Variants in TRPM3 observed in about 807,000 individuals in gnomAD.
TRPM3 encodes transient receptor potential cation channel subfamily M member 3.
TRPM3 carries 77 observed loss-of-function variants against 181.2 expected under a neutral mutation model. The observed-to-expected ratio is 0.42, with a 90% CI of 0.35 to 0.51. TRPM3 has a LOEUF of 0.51. Among genes scored for constraint, TRPM3 ranks in the 20% least tolerant of loss-of-function variants. The pLI is 0.01. For missense variants in TRPM3, 1,759 were observed against 2,196.7 expected (o/e 0.80, Z 3.98); for synonymous variants, 745 against 796.4 (o/e 0.94, Z 1.09).
chr9:71,217,715 C>T (rs910675979), intron 1 of TRPM3, among the ~76,000 whole-genome samples: 2 of 152,168 alleles, frequency 1.3e-5, no homozygotes, highest in South Asian at 2.1e-4. Flanking sequence ...GACCATTCTG[C>T]TCTGGGGAAA....
intron 1 of TRPM3, among the ~76,000 whole-genome samples, chr9:71,258,480 C>T (rs2082819979): frequency 3.3e-5 from 5 of 152,144 alleles, no homozygotes; most frequent in Admixed American, 3.3e-4. Flanking sequence ...AGAATGAATT[C>T]TCTCTTGTAT....
At chr9:70,580,107 G>T (rs1056776313) in intron 22 of TRPM3, among the ~76,000 whole-genome samples, 12 of 152,176 alleles carry the variant, frequency 7.9e-5, no homozygotes, top group African/African-American at 2.9e-4. Flanking sequence ...AAAAGAGAAG[G>T]TTGTTGCTCC....
At chr9:70,896,667 G>A (rs963914628) in intron 1 of TRPM3, among the ~76,000 whole-genome samples, 8 of 152,006 alleles carry the variant, frequency 5.3e-5, no homozygotes, top group Non-Finnish European at 1.0e-4. Context: ...AATCACAACT[G>A]GTATTCATTA....
At chr9:71,382,325 T>A (rs997303850) in intron 1 of TRPM3, among the ~76,000 whole-genome samples, 5 of 152,172 alleles carry the variant, frequency 3.3e-5, no homozygotes, top group African/African-American at 1.2e-4. Context: ...CAAATGCATT[T>A]GAAAAAATTT....
chr9:70,583,063 C>G (rs894207782), intron 22 of TRPM3, among the ~76,000 whole-genome samples: 2 of 152,250 alleles, frequency 1.3e-5, no homozygotes, highest in South Asian at 4.1e-4. Context: ...TGGTACCCCC[C>G]ACCCCAGGGA....
At chr9:71,267,061 A>C (rs2083441481) in intron 1 of TRPM3, among the ~76,000 whole-genome samples, 1 of 152,076 alleles carries the variant, frequency 6.6e-6, no homozygotes, top group African/African-American at 2.4e-5. Context: ...TTAGTCATCT[A>C]TGGCAAATTC....
chr9:71,168,634 ATTT>A (rs1160659871), intron 1 of TRPM3, among the ~76,000 whole-genome samples: 12 of 95,378 alleles, frequency 1.3e-4, no homozygotes, highest in African/African-American at 4.6e-4. Context: ...TTTTTTTATT[ATTT>A]TTTATTTTTT....
At chr9:71,164,419 G>C (rs2076431664) in intron 1 of TRPM3, among the ~76,000 whole-genome samples, 1 of 152,148 alleles carries the variant, frequency 6.6e-6, no homozygotes, top group African/African-American at 2.4e-5. Context: ...GAGCCGACGG[G>C]AACTCTATGG....
rs184569751 is a variant in TRPM3, at chr9:71,368,199, T to C, written c.183+78454A>G. ...TAAAATGTGATGAGACTCCCAATGC[T>C]ACCATTCCCTCTGATTGTGAGTAAA... is the stretch of plus-strand genomic sequence containing the variant. On this transcript the variant is annotated intron_variant, in intron 1 of 24. Transcript: ENST00000357533. 9.8e-5 allele frequency among the ~76,000 whole-genome samples: 15 copies of C among 152,324 alleles called. No homozygotes were observed. The East Asian group carries it at 2.7e-3, about 27-fold the overall frequency.
At position 71,165,551 on chromosome 9, in the gene TRPM3, C is replaced by T. The variant is rs535494536; in HGVS notation, c.183+281102G>A. Among the ~76,000 whole-genome samples the T allele has an allele frequency of 3.3e-5, 5 of 152,206 alleles. No homozygotes were observed. In the South Asian group the frequency reaches 1.0e-3, roughly 32 times the overall value. ...TAACAACGTGCCACCAGGAGTGTTC[C>T]TCTTCTCAAGGGGTCTATCAAGAGG... On this transcript the variant is annotated intron_variant, in intron 1 of 24. Transcript: ENST00000357533.
rs760847615 is a variant in TRPM3 at position 70,536,998 on chromosome 9, C to T, written c.4115G>A (p.Arg1372Lys). 3.7e-6 allele frequency: 6 copies of T among 1,610,138 alleles called. No individual in the cohort carries two copies. The highest frequency in any genetic ancestry group is 5.1e-6 in the Non-Finnish European group (6 of 1,176,834). ...IEKLESIFKE[R>K]SLSLHRATSS... ...AGTAGCCCGGTGTAGGCTCAGGGACCTTTCTTTAAAAATACTTTCCAACTT... is the reference window on the plus strand; with the variant it reads ...AGTAGCCCGGTGTAGGCTCAGGGACTTTTCTTTAAAAATACTTTCCAACTT... Residue 1372 changes from arginine (R) to lysine (K), a missense_variant, in exon 26 of 26, where the codon AGG becomes AAG. Transcript: ENST00000677713.
intron 1 of TRPM3, among the ~76,000 whole-genome samples, chr9:71,078,255 C>G (rs1315988630): frequency 6.6e-6 from 1 of 151,978 alleles, no homozygotes; most frequent in African/African-American, 2.4e-5. Flanking sequence ...AAAAATGAGA[C>G]AGAGAAGGGT....
intron 1 of TRPM3, among the ~76,000 whole-genome samples, chr9:71,412,202 A>T (rs962490938): frequency 3.3e-5 from 5 of 152,152 alleles, no homozygotes; most frequent in Admixed American, 2.6e-4. Flanking sequence ...GGACTTCATG[A>T]CTAAAACACC....
At chr9:70,802,170 T>C (rs2089302485) in intron 6 of TRPM3, among the ~76,000 whole-genome samples, 1 of 152,148 alleles carries the variant, frequency 6.6e-6, no homozygotes, top group Non-Finnish European at 1.5e-5. Flanking sequence ...TGAAAAGAAG[T>C]GAAATCTAAA....
At chr9:70,905,090 T>A (rs564651881) in intron 1 of TRPM3, among the ~76,000 whole-genome samples, 1 of 152,212 alleles carries the variant, frequency 6.6e-6, no homozygotes, top group Non-Finnish European at 1.5e-5. Flanking sequence ...CTCCCATCAA[T>A]CATGGATTAT....
chr9:71,194,165 T>G (rs1364569224), intron 1 of TRPM3, among the ~76,000 whole-genome samples: 1 of 151,922 alleles, frequency 6.6e-6, no homozygotes, highest in Non-Finnish European at 1.5e-5. Flanking sequence ...AAATCCAACT[T>G]ACAATTATAG....
chr9:70,864,359 G>A, intron 2 of TRPM3, 73 bp downstream of exon 2: 1 of 1,045,254 alleles, frequency 9.6e-7, no homozygotes, highest in Non-Finnish European at 1.4e-6. Flanking sequence ...CTTGTAACAG[G>A]TCATGATTAC....
intron 1 of TRPM3, among the ~76,000 whole-genome samples, chr9:71,220,565 G>A (rs1043652330): frequency 6.6e-6 from 1 of 151,924 alleles, no homozygotes; most frequent in African/African-American, 2.4e-5. Flanking sequence ...TTCATGGGAA[G>A]CAGTACAACT....
chr9:71,034,883 A>G (rs1449179125), intron 1 of TRPM3, among the ~76,000 whole-genome samples: 4 of 151,944 alleles, frequency 2.6e-5, no homozygotes, highest in Non-Finnish European at 5.9e-5. Flanking sequence ...ACATTCTAGA[A>G]ATTTTATTTC....
Sources: gnomAD v4.1 joint callset for allele counts (sites outside exome capture counted in the v4.1 genomes callset) on GRCh38, gnomAD v4.1.1 for gene constraint, MANE v1.5 for transcripts, NCBI Gene and HGNC (gene_info 2026-07-23, HGNC 2026-07-21) for gene names.